The following IL23R variants were observed in gnomAD, a reference collection of about 807,000 sequenced individuals.
IL23R encodes interleukin 23 receptor, also known as interleukin-23 receptor.
IL23R carries 34 observed loss-of-function variants against 56.9 expected under a neutral mutation model. The observed-to-expected ratio is 0.60, with a 90% CI of 0.45 to 0.80. IL23R has a LOEUF of 0.80. Ranked by LOEUF, IL23R falls within the 30% of genes least tolerant of loss-of-function variation. IL23R has a pLI of 0.00. For missense variants in IL23R, 635 were observed against 730.0 expected (o/e 0.87, Z 1.50); for synonymous variants, 230 against 249.2 (o/e 0.92, Z 0.73).
downstream of IL23R, among the ~76,000 whole-genome samples, chr1:67,261,752 T>G (rs1021552924): frequency 1.3e-5 from 2 of 152,230 alleles, no homozygotes; most frequent in African/African-American, 4.8e-5. Flanking sequence ...AATATTTTTA[T>G]AGTACGTTTC....
In IL23R at chr1:67,182,870, C is replaced by A. The variant is rs747004464; in HGVS notation, c.402C>A (p.Val134=). 20 of 1,613,906 alleles carry A rather than the reference C, an allele frequency of 1.2e-5. No individual in the cohort carries two copies. The highest frequency in any genetic ancestry group is 2.7e-5 in the African/African-American group (2 of 74,924). ...PPDIPDEVTC[V]IYEYSGNMTC... ...ATATTCCTGATGAAGTAACCTGTGT[C>A]ATTTATGAATATTCAGGCAACATGA... The change falls in exon 4 of 11, where the codon GTC becomes GTA. Residue 134 remains valine, a synonymous_variant. Transcript: ENST00000347310.
At position 67,228,020 on chromosome 1, in the gene IL23R, TCCTTTCTTTCTTTTCTTTCTTTC is replaced by T. The variant is rs1558254095; in HGVS notation, c.955+8291_955+8313del. ...TTTCTTTCTTTCTTTCTTTCTTTCT[TCCTTTCTTTCTTTTCTTTCTTTC>T]TCTTTCTTTCTTTCTTTCTCTGTCT... On this transcript the variant is annotated intron_variant, in intron 7 of 10. Transcript: ENST00000347310. Among the ~76,000 whole-genome samples, 51 of 78,700 alleles carry T rather than the reference TCCTTTCTTTCTTTTCTTTCTTTC, an allele frequency of 6.5e-4. 6 individuals are homozygous for T. The highest frequency in any genetic ancestry group is 1.7e-3 in the African/African-American group (32 of 18,758). The allele number at this position is 78,700 out of a possible 152,430, so 51.6% of individuals were successfully genotyped here. A position where few individuals can be genotyped will look rare whatever the true frequency, so the allele number is the denominator to read the frequency against.
chr1:67,250,128 T>G (rs1391066984), intron 9 of IL23R, among the ~76,000 whole-genome samples: 3 of 152,218 alleles, frequency 2.0e-5, no homozygotes, highest in African/African-American at 7.2e-5. Flanking sequence ...TATAACCTTT[T>G]AGTAAAAACG....
At chr1:67,163,960 T>G (rs375086352), upstream of IL23R, among the ~76,000 whole-genome samples, 10 of 152,174 alleles carry the variant, frequency 6.6e-5, no homozygotes, top group African/African-American at 2.4e-4. Flanking sequence ...TGGGTAAAAA[T>G]ATTTTTAGAT....
chr1:67,208,589 G>A (rs1040155979), intron 6 of IL23R, among the ~76,000 whole-genome samples: 24 of 152,240 alleles, frequency 1.6e-4, no homozygotes, highest in Non-Finnish European at 4.4e-5. Flanking sequence ...CTTCCACATG[G>A]TGTTGAGCCT....
chr1:67,199,544 A>G (rs1648446741), intron 4 of IL23R, among the ~76,000 whole-genome samples: 1 of 152,242 alleles, frequency 6.6e-6, no homozygotes, highest in Non-Finnish European at 1.5e-5. Flanking sequence ...AGGGCCCACA[A>G]TAATTTTAGG....
intron 3 of IL23R, among the ~76,000 whole-genome samples, chr1:67,176,156 C>T (rs567615187): frequency 1.6e-4 from 24 of 152,086 alleles, no homozygotes; most frequent in Non-Finnish European, 2.9e-4. Flanking sequence ...AGGCTGAATC[C>T]TGATTGTTTT....
chr1:67,257,345 A>T (rs1285557244), intron 10 of IL23R, among the ~76,000 whole-genome samples: 1 of 152,172 alleles, frequency 6.6e-6, no homozygotes, highest in Non-Finnish European at 1.5e-5. Flanking sequence ...TCTTGTGGAC[A>T]GCTGCCTTCT....
In IL23R at chr1:67,253,080, G is replaced by A. The variant is rs189634344; in HGVS notation, c.1149-2757G>A. 8.2e-4 allele frequency among the ~76,000 whole-genome samples: 125 copies of A among 152,230 alleles called. 2 individuals carry two copies. In the East Asian group the frequency reaches 0.02, roughly 24 times the overall value. ...ATATAGAGGTATGAAGTCCTTCTCA[G>A]GCCATATTTAGTTTGCTTTAACACT... On this transcript the variant is annotated intron_variant, in intron 9 of 10. Transcript: ENST00000347310.
At chr1:67,189,750 A>G (rs1336872522) in intron 4 of IL23R, among the ~76,000 whole-genome samples, 1 of 152,110 alleles carries the variant, frequency 6.6e-6, no homozygotes, top group African/African-American at 2.4e-5. Context: ...TTTGAGACCA[A>G]CCTGGGCAAC....
chr1:67,243,259 C>A (rs55954915), intron 9 of IL23R, among the ~76,000 whole-genome samples: 31,729 of 151,934 alleles, frequency 0.21, 3,700 homozygotes, highest in Non-Finnish European at 0.27. Context: ...GGAGTTTATT[C>A]AAATTGTATA....
At chr1:67,141,334 T>A (rs550998582) in intron 1 of IL23R, among the ~76,000 whole-genome samples, 1 of 152,192 alleles carries the variant, frequency 6.6e-6, no homozygotes, top group Non-Finnish European at 1.5e-5. Context: ...AATGTATTAT[T>A]TTTGCAGCCA....
intron 4 of IL23R, among the ~76,000 whole-genome samples, chr1:67,187,442 A>G (rs1647420932): frequency 6.6e-6 from 1 of 152,212 alleles, no homozygotes; most frequent in South Asian, 2.1e-4. Flanking sequence ...TATCATAAAA[A>G]TATTTTCTGA....
chr1:67,217,939 C>G (rs540337711), intron 6 of IL23R, among the ~76,000 whole-genome samples: 2 of 151,198 alleles, frequency 1.3e-5, no homozygotes, highest in African/African-American at 4.8e-5. Context: ...CTTTCTCTTT[C>G]ATGAGTATCT....
intron 9 of IL23R, among the ~76,000 whole-genome samples, chr1:67,242,033 G>GT (rs1651887842): frequency 6.6e-6 from 1 of 152,182 alleles, no homozygotes; most frequent in African/African-American, 2.4e-5. Context: ...AGAATTTAAA[G>GT]TTTTTTGTGT....
Position 67,228,019 on chromosome 1 carries a change from TTCCTTTCTTTCTTTTCTTTCTTTCTC to T in IL23R, c.955+8291_955+8316del, listed in dbSNP as rs1650793228. Among the ~76,000 whole-genome samples the T allele has an allele frequency of 6.7e-5, 5 of 74,810 alleles. 1 individual carries two copies. Among genetic ancestry groups the T allele is most frequent in the Admixed American group, 1.4e-4 (1 of 6,984 alleles). 49.1% of individuals were successfully genotyped at this position (74,810 alleles called of 152,430 possible). ...CTTTCTTTCTTTCTTTCTTTCTTTC[TTCCTTTCTTTCTTTTCTTTCTTTCTC>T]TTTCTTTCTTTCTTTCTCTGTCTCT... On this transcript the variant is annotated intron_variant, in intron 7 of 10. Transcript: ENST00000347310.
chr1:67,192,617 C>T (rs78506529), intron 4 of IL23R, among the ~76,000 whole-genome samples: 1 of 152,222 alleles, frequency 6.6e-6, no homozygotes, highest in East Asian at 1.9e-4. Context: ...AACCAAACAC[C>T]CAGTTTCCTC....
chr1:67,205,404 G>A (rs1648933452), intron 5 of IL23R, among the ~76,000 whole-genome samples: 1 of 152,160 alleles, frequency 6.6e-6, no homozygotes, highest in African/African-American at 2.4e-5. Flanking sequence ...AATTCATAGA[G>A]AATATTAACC....
At chr1:67,161,849 A>G (rs1242553563), upstream of IL23R, among the ~76,000 whole-genome samples, 1 of 151,886 alleles carries the variant, frequency 6.6e-6, no homozygotes, top group Non-Finnish European at 1.5e-5. Context: ...GATGGTCTCG[A>G]TTTCCTGACC....
Sources: gnomAD v4.1 joint callset for allele counts (sites outside exome capture counted in the v4.1 genomes callset) on GRCh38, gnomAD v4.1.1 for gene constraint, MANE v1.5 for transcripts, NCBI Gene and HGNC (gene_info 2026-07-23, HGNC 2026-07-21) for gene names.